The following RAD51B variants were observed in gnomAD, a reference collection of about 807,000 sequenced individuals.
RAD51B encodes DNA repair protein RAD51 homolog 2.
In RAD51B, 38 loss-of-function variants were observed where a neutral mutation model predicts 42.2. The ratio of observed to expected loss-of-function variants is 0.90; its 90% CI spans 0.70 to 1.18. RAD51B has a LOEUF of 1.18. Among genes scored for constraint, RAD51B ranks in the 50% most tolerant of loss-of-function variants. The probability of loss-of-function intolerance (pLI) is 0.00; values close to 1 mark genes in which losing one functional copy is unlikely to be tolerated. For missense variants in RAD51B, 373 were observed against 400.7 expected (o/e 0.93, Z 0.59); for synonymous variants, 154 against 145.2 (o/e 1.06, Z -0.43).
intron 9 of RAD51B, among the ~76,000 whole-genome samples, chr14:68,415,150 A>T (rs573269407): frequency 2.8e-4 from 43 of 152,008 alleles, no homozygotes; most frequent in African/African-American, 9.6e-4. Flanking sequence ...TTAAATCAAA[A>T]TCTCTGCCAG....
chr14:68,092,646 CAG>C (rs1243577364), intron 7 of RAD51B, among the ~76,000 whole-genome samples: 3 of 152,178 alleles, frequency 2.0e-5, no homozygotes, highest in Non-Finnish European at 2.9e-5. Context: ...CATCTGCAAA[CAG>C]GGACAATTTG....
intron 7 of RAD51B, among the ~76,000 whole-genome samples, chr14:68,039,209 C>G (rs2076179605): frequency 6.6e-6 from 1 of 152,068 alleles, no homozygotes; most frequent in Non-Finnish European, 1.5e-5. Context: ...GCAGGCAGAT[C>G]ACAAGGTCAG....
At chr14:68,169,454 C>T (rs1452829040) in intron 7 of RAD51B, among the ~76,000 whole-genome samples, 4 of 152,134 alleles carry the variant, frequency 2.6e-5, no homozygotes, top group Middle Eastern at 3.2e-3. Flanking sequence ...TTGATTTTCC[C>T]ATTCATCTGT....
rs140481012 is a variant in RAD51B, at chr14:68,486,989, C to A, written c.1036+18739C>A. Among the ~76,000 whole-genome samples, 1,167 of 152,256 alleles carry A rather than the reference C, an allele frequency of 7.7e-3. 13 individuals carry two copies. Among genetic ancestry groups the A allele is most frequent in the Middle Eastern group, 0.031 (9 of 294 alleles). On this transcript the variant is annotated intron_variant, in intron 10 of 10. Transcript: ENST00000487270. Reference sequence around the variant, plus strand: ...GGATTACCAACACCTTCTCTTAGTACGTATTCACATGGCCTTGGATGTTAG... The same window carrying A: ...GGATTACCAACACCTTCTCTTAGTAAGTATTCACATGGCCTTGGATGTTAG...
intron 8 of RAD51B, among the ~76,000 whole-genome samples, chr14:68,396,277 C>T (rs181698983): frequency 4.8e-4 from 73 of 152,280 alleles, no homozygotes; most frequent in Admixed American, 7.2e-4. Context: ...GGAACCTGGT[C>T]GGTACTATGT....
intron 10 of RAD51B, among the ~76,000 whole-genome samples, chr14:68,618,533 C>T (rs770866021): frequency 6.6e-6 from 1 of 152,092 alleles, no homozygotes; most frequent in Non-Finnish European, 1.5e-5. Flanking sequence ...AAGTATTGCA[C>T]CTTCCTTTGT....
At chr14:68,091,940 A>G (rs576461528) in intron 7 of RAD51B, among the ~76,000 whole-genome samples, 1,849 of 152,300 alleles carry the variant, frequency 0.012, 31 homozygotes, top group African/African-American at 0.041. Flanking sequence ...TCCCAGCACC[A>G]TTTATTAAAT....
chr14:68,421,599 A>T, intron 9 of RAD51B: 1 of 912,702 alleles, frequency 1.1e-6, no homozygotes, highest in Admixed American at 2.0e-5. Flanking sequence ...CAGCGAGAGC[A>T]CAAAGATTCT....
chr14:68,612,337 T>C (rs549433906), downstream of RAD51B, among the ~76,000 whole-genome samples: 4 of 152,334 alleles, frequency 2.6e-5, no homozygotes, highest in South Asian at 4.1e-4. Context: ...GCAGAAAGAA[T>C]TTCCAGCTGT....
At chr14:68,347,191 A>C (rs1190752326) in intron 8 of RAD51B, among the ~76,000 whole-genome samples, 1 of 152,178 alleles carries the variant, frequency 6.6e-6, no homozygotes, top group East Asian at 1.9e-4. Flanking sequence ...GCTGTCTCTA[A>C]TATCTAGCAT....
At chr14:68,412,950 T>C (rs553905388) in intron 9 of RAD51B, among the ~76,000 whole-genome samples, 5 of 152,322 alleles carry the variant, frequency 3.3e-5, no homozygotes, top group African/African-American at 9.6e-5. Context: ...TGTTGAGTCA[T>C]TCGTTTTCAT....
At chr14:68,592,622 T>C (rs1197956402) in intron 10 of RAD51B, among the ~76,000 whole-genome samples, 2 of 152,224 alleles carry the variant, frequency 1.3e-5, no homozygotes, top group Non-Finnish European at 2.9e-5. Context: ...TTCTGCCACG[T>C]ATCATAGAAG....
intron 9 of RAD51B, 141 bp downstream of exon 9, chr14:68,411,668 T>C: frequency 2.9e-6 from 2 of 697,600 alleles, no homozygotes; most frequent in Non-Finnish European, 4.9e-6. Flanking sequence ...AAACCAGCAT[T>C]TCTGCTTGTC....
intron 8 of RAD51B, among the ~76,000 whole-genome samples, chr14:68,317,271 A>C (rs2082080076): frequency 6.7e-6 from 1 of 149,394 alleles, no homozygotes; most frequent in Admixed American, 6.7e-5. Flanking sequence ...ATGAGAGTCT[A>C]AGCTCCCCTT....
chr14:67,878,383 C>G (rs1445781906), intron 5 of RAD51B, among the ~76,000 whole-genome samples: 1 of 151,798 alleles, frequency 6.6e-6, no homozygotes, highest in Non-Finnish European at 1.5e-5. Flanking sequence ...TCCATTTTTT[C>G]TTATTGATAT....
At chr14:67,836,085 TCC>T (rs1325205753) in intron 4 of RAD51B, among the ~76,000 whole-genome samples, 2 of 152,220 alleles carry the variant, frequency 1.3e-5, no homozygotes, top group African/African-American at 4.8e-5. Flanking sequence ...TAACAAATTA[TCC>T]CAAAACTAAG....
At chr14:68,464,503 T>C (rs1339439732) in intron 9 of RAD51B, among the ~76,000 whole-genome samples, 1 of 152,226 alleles carries the variant, frequency 6.6e-6, no homozygotes, top group Non-Finnish European at 1.5e-5. Context: ...TCATATTTGT[T>C]GTATGGGTGT....
intron 7 of RAD51B, among the ~76,000 whole-genome samples, chr14:67,913,470 T>C (rs559610019): frequency 6.6e-6 from 1 of 152,342 alleles, no homozygotes; most frequent in South Asian, 2.1e-4. Flanking sequence ...TTTACTTTTT[T>C]CATTGTGTTG....
chr14:68,430,360 C>T (rs1363828566), intron 9 of RAD51B, among the ~76,000 whole-genome samples: 1 of 152,086 alleles, frequency 6.6e-6, no homozygotes, highest in Non-Finnish European at 1.5e-5. Context: ...TTTCACGATA[C>T]TGATTCTTCC....
Sources: gnomAD v4.1 joint callset for allele counts (sites outside exome capture counted in the v4.1 genomes callset) on GRCh38, gnomAD v4.1.1 for gene constraint, MANE v1.5 for transcripts, NCBI Gene and HGNC (gene_info 2026-07-23, HGNC 2026-07-21) for gene names.